The following UNC79 variants were observed in gnomAD, a reference collection of about 807,000 sequenced individuals.
The protein encoded by UNC79 is unc-79 subunit of NALCN channel complex.
UNC79 carries 37 observed loss-of-function variants against 283.1 expected under a neutral mutation model. The ratio of observed to expected loss-of-function variants is 0.13; its 90% CI spans 0.10 to 0.17. The LOEUF (loss-of-function observed/expected upper bound fraction) is 0.17, where lower values mean the gene tolerates loss of function less well. Ranked by LOEUF, UNC79 falls within the 10% of genes least tolerant of loss-of-function variation. The probability of loss-of-function intolerance (pLI) is 1.00; values close to 1 mark genes in which losing one functional copy is unlikely to be tolerated. For synonymous variants in UNC79, 1,107 were observed against 1,200.2 expected (o/e 0.92, Z 1.61); for missense variants, 2,272 against 3,211.1 (o/e 0.71, Z 7.07).
chr14:93,530,620 C>A (rs535876397), intron 10 of UNC79, among the ~76,000 whole-genome samples: 2 of 150,946 alleles, frequency 1.3e-5, no homozygotes, highest in Non-Finnish European at 3.0e-5. Context: ...TTAAAAAAAA[C>A]AAAAACAGGC....
intron 1 of UNC79, among the ~76,000 whole-genome samples, chr14:93,377,262 G>A (rs553411752): frequency 5.3e-5 from 8 of 151,816 alleles, no homozygotes; most frequent in Non-Finnish European, 1.2e-4. Flanking sequence ...GCTAATTTTT[G>A]TTTTTGCATT....
chr14:93,457,370 C>T (rs770362146), intron 1 of UNC79, among the ~76,000 whole-genome samples: 6 of 152,102 alleles, frequency 3.9e-5, no homozygotes, highest in South Asian at 2.1e-4. Flanking sequence ...ATGAAAGTGC[C>T]GAGGAGATGC....
At chr14:93,637,434 C>T in intron 32 of UNC79, 135 bp downstream of exon 35, 2 of 1,447,808 alleles carry the variant, frequency 1.4e-6, no homozygotes, top group Non-Finnish European at 9.1e-7. Context: ...CAAACACCCC[C>T]AGTGGCTGAG....
rs2057697904 is a variant in UNC79 at position 93,474,622 on chromosome 14, G to A, written c.448+229G>A. ...CAAGTGGAGTATTGGGGGAGAATGG[G>A]GCTGGAGAAAGGAGGAAGATGTATA... On this transcript the variant is annotated intron_variant, in intron 3 of 48. Coordinates refer to ENST00000555664, the Ensembl canonical transcript of UNC79. The surrounding 1 kb of genome is among the most constrained non-coding windows in gnomAD (Gnocchi z 4.1). Among the ~76,000 whole-genome samples the A allele has an allele frequency of 1.3e-5, 2 of 152,112 alleles. No individual in the cohort carries two copies. The highest frequency in any genetic ancestry group is 6.6e-5 in the Admixed American group (1 of 15,264).
chr14:93,592,757 T>C (rs1286265995), intron 22 of UNC79, among the ~76,000 whole-genome samples: 1 of 152,154 alleles, frequency 6.6e-6, no homozygotes, highest in African/African-American at 2.4e-5. Context: ...GAAACAATAA[T>C]GTATTATTAC....
At chr14:93,579,093 T>C (rs1487018503) in intron 18 of UNC79, among the ~76,000 whole-genome samples, 1 of 152,186 alleles carries the variant, frequency 6.6e-6, no homozygotes, top group Non-Finnish European at 1.5e-5. Context: ...GCCTGATGCT[T>C]CCTTATGAAT....
At chr14:93,567,540 C>T (rs1261868962) in intron 14 of UNC79, among the ~76,000 whole-genome samples, 1 of 151,898 alleles carries the variant, frequency 6.6e-6, no homozygotes, top group African/African-American at 2.4e-5. Context: ...CTTTTCTTTT[C>T]TGTCCGTCAC....
chr14:93,572,109 A>G (rs2063235021), intron 15 of UNC79, 25 bp downstream of exon 15: 1 of 1,608,282 alleles, frequency 6.2e-7, no homozygotes, highest in Non-Finnish European at 8.5e-7. Flanking sequence ...TAATGAAGTC[A>G]CTGTAATTAT....
intron 45 of UNC79, 130 bp from the exon 49 acceptor site, chr14:93,691,619 T>A (rs1405468543): frequency 3.3e-6 from 3 of 898,796 alleles, no homozygotes; most frequent in Non-Finnish European, 5.4e-6. Flanking sequence ...ACTTTGTAAC[T>A]CTGAGATAAC....
chr14:93,490,302 A>G (rs2058660527), intron 5 of UNC79, among the ~76,000 whole-genome samples: 1 of 152,078 alleles, frequency 6.6e-6, no homozygotes, highest in Admixed American at 6.5e-5. Context: ...CACTCTCCCC[A>G]TTCTCTTCCT....
At chr14:93,364,129 G>A (rs1305111118) in intron 1 of UNC79, among the ~76,000 whole-genome samples, 3 of 152,104 alleles carry the variant, frequency 2.0e-5, no homozygotes, top group Non-Finnish European at 4.4e-5. Flanking sequence ...TATAACACAG[G>A]TATACAAGTT....
chr14:93,490,373 TC>T (rs1294377042), intron 5 of UNC79, among the ~76,000 whole-genome samples: 1 of 152,224 alleles, frequency 6.6e-6, no homozygotes, highest in Non-Finnish European at 1.5e-5. Flanking sequence ...CTTTAAGTCT[TC>T]TTCCTCCTTG....
chr14:93,367,885 G>A (rs1488051221), intron 1 of UNC79, among the ~76,000 whole-genome samples: 1 of 152,202 alleles, frequency 6.6e-6, no homozygotes, highest in African/African-American at 2.4e-5. Flanking sequence ...TTGGAATAGA[G>A]AAGAAGTCAA....
chr14:93,498,804 A>G (rs1313879380), intron 7 of UNC79, among the ~76,000 whole-genome samples: 1 of 151,988 alleles, frequency 6.6e-6, no homozygotes, highest in Non-Finnish European at 1.5e-5. Context: ...CAAAGAAGAA[A>G]CCTATGGCTA....
At chr14:93,471,427 A>G (rs997009679) in intron 2 of UNC79, among the ~76,000 whole-genome samples, 2 of 152,180 alleles carry the variant, frequency 1.3e-5, no homozygotes, top group African/African-American at 4.8e-5. Context: ...GAAAAGGGAA[A>G]GGTGAAAAGC....
intron 1 of UNC79, among the ~76,000 whole-genome samples, chr14:93,408,562 C>T (rs1168398673): frequency 6.6e-6 from 1 of 152,118 alleles, no homozygotes; most frequent in Non-Finnish European, 1.5e-5. Flanking sequence ...CATGGTGGTG[C>T]ACGCCTGTGG....
intron 1 of UNC79, among the ~76,000 whole-genome samples, chr14:93,357,712 TATATATATGG>T (rs2054120288): frequency 3.9e-5 from 5 of 128,344 alleles, no homozygotes; most frequent in East Asian, 4.3e-4. Flanking sequence ...TATATATATA[TATATATATGG>T]ATATATGGAT....
Position 93,613,301 on chromosome 14 carries a change from CGTGT to C in UNC79, c.4041+238_4041+241del, listed in dbSNP as rs200301706. Among the ~76,000 whole-genome samples the C allele has an allele frequency of 1.8e-3, 266 of 146,814 alleles. 2 individuals are homozygous for C. The highest frequency in any genetic ancestry group is 2.2e-3 in the Non-Finnish European group (145 of 66,358). On this transcript the variant is annotated intron_variant, in intron 27 of 48. Transcript: ENST00000555664. ...AAATGACAGAGAGAGAGACTGCATGCGTGTGTGTGTGTGTGTGTGTGTGAGAGAG... is the reference window on the plus strand; with the variant it reads ...AAATGACAGAGAGAGAGACTGCATGCGTGTGTGTGTGTGTGTGTGAGAGAG...
chr14:93,622,253 C>T (rs753929892), exon 30 of UNC79: 2 of 1,614,022 alleles, frequency 1.2e-6, no homozygotes, highest in Non-Finnish European at 1.7e-6. Context: ...CCCCAGCCAT[C>T]CCTCCGTCCT....
Sources: allele counts gnomAD v4.1 joint callset (sites outside exome capture counted in the v4.1 genomes callset), GRCh38; gene constraint gnomAD v4.1.1; non-coding constraint Gnocchi (gnomAD v3.1); transcripts MANE v1.5; gene names NCBI Gene and HGNC (gene_info 2026-07-23, HGNC 2026-07-21).